OXSR1: variants seen among roughly 807,000 people sequenced by gnomAD.
The protein encoded by OXSR1 is serine/threonine-protein kinase OSR1.
In OXSR1, 24 loss-of-function variants were observed where a neutral mutation model predicts 79.8. That is an observed-to-expected ratio of 0.30 (90% CI 0.22 to 0.42). OXSR1 has a LOEUF of 0.42. OXSR1 is among the 10% of genes least tolerant of loss of function. The pLI, the probability that OXSR1 is intolerant of heterozygous loss-of-function variation, is 1.00. For missense variants in OXSR1, 430 were observed against 618.4 expected (o/e 0.70, Z 3.23); for synonymous variants, 226 against 209.2 (o/e 1.08, Z -0.69).
intron 15 of OXSR1, 178 bp downstream of exon 15, chr3:38,250,196 A>G: frequency 3.5e-6 from 2 of 575,748 alleles, no homozygotes; most frequent in South Asian, 4.2e-5. Context: ...AAACACATTT[A>G]GAAAACCTTG....
intron 3 of OXSR1, among the ~76,000 whole-genome samples, chr3:38,195,894 A>C (rs1702065396): frequency 3.3e-5 from 5 of 152,212 alleles, no homozygotes; most frequent in Admixed American, 3.3e-4. Context: ...TTTGTTACAA[A>C]ATTTGTACCA....
chr3:38,208,313 G>C (rs951398100), intron 4 of OXSR1, among the ~76,000 whole-genome samples: 1 of 152,010 alleles, frequency 6.6e-6, no homozygotes, highest in Non-Finnish European at 1.5e-5. Flanking sequence ...GATGCTTCTC[G>C]ACTTAGGATG....
chr3:38,234,208 T>C (rs1037033954), intron 10 of OXSR1, among the ~76,000 whole-genome samples: 1 of 152,184 alleles, frequency 6.6e-6, no homozygotes, highest in Non-Finnish European at 1.5e-5. Context: ...TCCTTAGATA[T>C]GATACCAAAA....
rs371463289 is a variant in OXSR1 at position 38,237,722 on chromosome 3, G to C, written c.1074+761G>C. On this transcript the variant is annotated intron_variant, in intron 11 of 17. Coordinates refer to ENST00000311806, the MANE Select transcript of OXSR1 (RefSeq NM_005109.3). ...CCTTCTGCAGAGCTAAGTTTGTAAA[G>C]TCCTTGCCAATGGAAGTTGGCAAAA... 5.3e-5 allele frequency among the ~76,000 whole-genome samples: 8 copies of C among 152,168 alleles called. No individual in the cohort carries two copies. The East Asian group carries it at 7.7e-4, about 15-fold the overall frequency.
chr3:38,192,339 C>T (rs568395731), intron 3 of OXSR1, among the ~76,000 whole-genome samples: 1 of 152,190 alleles, frequency 6.6e-6, no homozygotes, highest in East Asian at 1.9e-4. Flanking sequence ...TTTCCCAGAC[C>T]CTGAATCAGC....
intron 17 of OXSR1, 116 bp downstream of exon 17, chr3:38,252,508 T>C: frequency 1.2e-6 from 1 of 803,526 alleles, no homozygotes; most frequent in Non-Finnish European, 2.2e-6. Context: ...TGGATTGTGT[T>C]CATTTAGCCT....
chr3:38,237,970 C>T (rs1265196121), intron 11 of OXSR1, among the ~76,000 whole-genome samples: 1 of 152,088 alleles, frequency 6.6e-6, no homozygotes, highest in Non-Finnish European at 1.5e-5. Context: ...TTCTACCTTC[C>T]TGTGAAAGGG....
chr3:38,230,138 TAGAC>T (rs1326576200), intron 9 of OXSR1, among the ~76,000 whole-genome samples: 1 of 152,190 alleles, frequency 6.6e-6, no homozygotes, highest in Admixed American at 6.5e-5. Flanking sequence ...AAACTCTTCA[TAGAC>T]AGTGGTTCAT....
chr3:38,235,853 C>G (rs1702908294), intron 10 of OXSR1, among the ~76,000 whole-genome samples: 1 of 152,144 alleles, frequency 6.6e-6, no homozygotes, highest in Non-Finnish European at 1.5e-5. Context: ...TTAATACATG[C>G]TAATAGTGGA....
chr3:38,246,578 T>G (rs1320868067), intron 13 of OXSR1, among the ~76,000 whole-genome samples: 1 of 152,130 alleles, frequency 6.6e-6, no homozygotes, highest in Non-Finnish European at 1.5e-5. Context: ...TTGTTGTTGT[T>G]CACTCAGGCT....
intron 2 of OXSR1, among the ~76,000 whole-genome samples, chr3:38,184,913 T>C: frequency 1.7e-5 from 1 of 60,436 alleles, no homozygotes; most frequent in East Asian, 4.4e-4. Context: ...CTTTTTTTTT[T>C]TTTTTTTTTT....
At chr3:38,215,847 C>G (rs1296637144) in intron 4 of OXSR1, among the ~76,000 whole-genome samples, 9 of 151,972 alleles carry the variant, frequency 5.9e-5, no homozygotes, top group Admixed American at 5.9e-4. Flanking sequence ...CACTTTTATC[C>G]CGATCAAGAA....
At position 38,206,018 on chromosome 3, in the gene OXSR1, G is replaced by C. The variant is rs192515696; in HGVS notation, c.434+7155G>C. ...TGCATTTGGTTGCCTTGAGATTATC[G>C]TAAGAAATAAATACATTTTTGTTCT... On this transcript the variant is annotated intron_variant, in intron 4 of 17. Transcript: ENST00000311806. Among the ~76,000 whole-genome samples the C allele has an allele frequency of 5.8e-4, 88 of 152,248 alleles. 1 individual carries two copies. The East Asian group carries it at 0.011, about 20-fold the overall frequency.
intron 2 of OXSR1, among the ~76,000 whole-genome samples, chr3:38,188,906 T>C (rs1701933974): frequency 6.6e-6 from 1 of 152,172 alleles, no homozygotes; most frequent in Non-Finnish European, 1.5e-5. Flanking sequence ...TTTGTCTAAC[T>C]TCTTTACCAA....
At chr3:38,214,425 T>A (rs2125830830) in intron 4 of OXSR1, among the ~76,000 whole-genome samples, 1 of 152,252 alleles carries the variant, frequency 6.6e-6, no homozygotes, top group Admixed American at 6.5e-5. Flanking sequence ...TATGATCATA[T>A]AATACTCCTT....
chr3:38,164,280 G>A (rs1006371883), upstream of OXSR1, among the ~76,000 whole-genome samples: 56 of 152,046 alleles, frequency 3.7e-4, no homozygotes, highest in African/African-American at 1.3e-3. Flanking sequence ...CTAGTAGCTG[G>A]GATTACAGGC....
chr3:38,190,849 G>A lies in OXSR1; in HGVS notation c.292+10G>A, dbSNP rs372302609. 3.0e-5 allele frequency: 42 copies of A among 1,419,752 alleles called. No homozygotes were observed. In the African/African-American group the frequency reaches 5.4e-4, roughly 18 times the overall value. 87.9% of individuals were successfully genotyped at this position (1,419,752 alleles called of 1,614,324 possible). On this transcript the variant is annotated intron_variant, in intron 3 of 17. Transcript: ENST00000311806. ...AAGCTGCTAAGTGGAGGTGAGTAGA[G>A]TACAAGGAAATGCTATAAGTACCAT... is the stretch of plus-strand genomic sequence containing the variant.
chr3:38,190,608 G>A (rs1257655774), intron 2 of OXSR1, 123 bp from the exon 3 acceptor site: 1 of 620,846 alleles, frequency 1.6e-6, no homozygotes, highest in East Asian at 2.8e-5. Context: ...GAAGAAATCA[G>A]AGCCATGGAG....
rs115348254 is a variant in OXSR1 at position 38,235,125 on chromosome 3, G to A, written c.952-1714G>A. Among the ~76,000 whole-genome samples the A allele has an allele frequency of 2.9e-3, 442 of 152,324 alleles. 1 individual carries two copies. The highest frequency in any genetic ancestry group is 0.01 in the African/African-American group (421 of 41,578). On this transcript the variant is annotated intron_variant, in intron 10 of 17. Transcript: ENST00000311806. Reference sequence around the variant, plus strand: ...CAGTTACTGCTAAAGAGTATGGCATGTCTTGTAGGGAGTGATAAAAATGTT... The same window carrying A: ...CAGTTACTGCTAAAGAGTATGGCATATCTTGTAGGGAGTGATAAAAATGTT...
Sources: gnomAD v4.1 joint callset for allele counts (sites outside exome capture counted in the v4.1 genomes callset) on GRCh38, gnomAD v4.1.1 for gene constraint, MANE v1.5 for transcripts, NCBI Gene and HGNC (gene_info 2026-07-23, HGNC 2026-07-21) for gene names.